The following FAAH2 variants were observed in gnomAD, a reference collection of about 807,000 sequenced individuals.
The protein encoded by FAAH2 is fatty-acid amide hydrolase 2.
Under a neutral mutation model 36.9 loss-of-function variants are expected in FAAH2, and 60 were observed. The observed-to-expected ratio is 1.63, with a 90% CI of 1.32 to 2.02. FAAH2 has a LOEUF of 2.02. Among genes scored for constraint, FAAH2 ranks in the 30% most tolerant of loss-of-function variants. The pLI is 0.00. For missense variants in FAAH2, 689 were observed against 397.5 expected (o/e 1.73, Z -6.23); for synonymous variants, 214 against 143.8 (o/e 1.49, Z -3.49).
chrX:57,316,983 T>C (rs1403697306), intron 3 of FAAH2, among the ~76,000 whole-genome samples: 1 of 111,600 alleles, frequency 9.0e-6, no homozygotes, highest in Non-Finnish European at 1.9e-5. Flanking sequence ...ATTCATAAAC[T>C]ATGCATGCAA....
At chrX:57,167,041 G>A in the FAAH2 span, among the ~76,000 whole-genome samples, 6 of 111,657 alleles carry the variant, frequency 5.4e-5, no homozygotes, top group Non-Finnish European at 9.4e-5. Context: ...TACACACAGT[G>A]TAGGCGCTAT....
chrX:57,319,902 C>A (rs1232746974), intron 3 of FAAH2, among the ~76,000 whole-genome samples: 1 of 111,586 alleles, frequency 9.0e-6, no homozygotes, highest in African/African-American at 3.3e-5. Flanking sequence ...ACAAACCTGG[C>A]AAAAACAAGC....
Position 57,447,044 on chromosome X carries a change from G to T in FAAH2, c.1228+5G>T, listed in dbSNP as rs761183777. 1 of 1,145,313 alleles carries T rather than the reference G, an allele frequency of 8.7e-7. No individual in the cohort carries two copies. Among genetic ancestry groups the T allele is most frequent in the East Asian group, 3.0e-5 (1 of 33,250 alleles). 94.4% of individuals were successfully genotyped at this position (1,145,313 alleles called of 1,213,427 possible). A position where few individuals can be genotyped will look rare whatever the true frequency, so the allele number is the denominator to read the frequency against. On this transcript the variant is annotated splice_donor_5th_base_variant and intron_variant, in intron 9 of 10. Coordinates refer to ENST00000374900, the MANE Select transcript of FAAH2 (RefSeq NM_174912.4). ...TGTACACCATCCCTTCCATTGGTAT[G>T]TAAATCATATTCTACCTAGACCAGT...
intron 3 of FAAH2, among the ~76,000 whole-genome samples, chrX:57,312,308 A>G (rs954022868): frequency 1.8e-5 from 2 of 112,045 alleles, no homozygotes; most frequent in Non-Finnish European, 3.8e-5. Flanking sequence ...AGCCCAAACT[A>G]CAACATCAAT....
In FAAH2 at chrX:57,423,519, G is replaced by T. The variant is rs185534448; in HGVS notation, c.997-8399G>T. Among the ~76,000 whole-genome samples the T allele has an allele frequency of 3.5e-4, 39 of 111,850 alleles. 1 individual carries two copies. The East Asian group carries it at 0.011, about 31-fold the overall frequency. On this transcript the variant is annotated intron_variant, in intron 7 of 10. Transcript: ENST00000374900. Reference sequence around the variant, plus strand: ...TTTAGCTTGCTGCCAATGGTAGGTTGCAGGAGAGAGCTCCACCAGGTTGAG... The same window carrying T: ...TTTAGCTTGCTGCCAATGGTAGGTTTCAGGAGAGAGCTCCACCAGGTTGAG...
At chrX:57,349,800 C>T (rs2053949227) in intron 5 of FAAH2, among the ~76,000 whole-genome samples, 1 of 108,802 alleles carries the variant, frequency 9.2e-6, no homozygotes, top group Admixed American at 9.9e-5. Context: ...ATTAATATTC[C>T]TAAATGTGAG....
At chrX:57,268,329 C>T in the FAAH2 span, among the ~76,000 whole-genome samples, 1 of 110,423 alleles carries the variant, frequency 9.1e-6, no homozygotes, top group Non-Finnish European at 1.9e-5. Context: ...AGTATATAAC[C>T]CCCCAAAAAA....
chrX:57,239,195 G>A, the FAAH2 span, among the ~76,000 whole-genome samples: 1 of 111,318 alleles, frequency 9.0e-6, no homozygotes, highest in African/African-American at 3.3e-5. Flanking sequence ...GGTAGAATTC[G>A]GATGTGAATC....
rs751589509 is a variant in FAAH2, at chrX:57,480,517, A to G, written c.1424-8240A>G. ...ATGAAGCTTAGTTTGTTTGGATGTG[A>G]AATTTTGGTTTGGAAACGATTTTCT... is the stretch of plus-strand genomic sequence containing the variant. On this transcript the variant is annotated intron_variant, in intron 10 of 10. Coordinates refer to ENST00000374900, the MANE Select transcript of FAAH2 (RefSeq NM_174912.4). Among the ~76,000 whole-genome samples, 184 of 111,350 alleles carry G rather than the reference A, an allele frequency of 1.7e-3. 1 individual carries two copies. The highest frequency in any genetic ancestry group is 5.7e-3 in the African/African-American group (175 of 30,674).
At chrX:57,329,790 A>G (rs937010465) in intron 3 of FAAH2, among the ~76,000 whole-genome samples, 1 of 111,529 alleles carries the variant, frequency 9.0e-6, no homozygotes, top group Non-Finnish European at 1.9e-5. Flanking sequence ...GCCATGGCTG[A>G]AGAACTTGGA....
chrX:57,156,624 T>A, the FAAH2 span, among the ~76,000 whole-genome samples: 5 of 112,348 alleles, frequency 4.5e-5, no homozygotes, highest in African/African-American at 1.6e-4. Context: ...AGCCCTGGTA[T>A]GCTGCAACTC....
At chrX:57,225,766 T>G in the FAAH2 span, among the ~76,000 whole-genome samples, 1 of 98,798 alleles carries the variant, frequency 1.0e-5, no homozygotes, top group Non-Finnish European at 1.9e-5. Flanking sequence ...TATGATTCTA[T>G]CTATCTCATT....
intron 5 of FAAH2, among the ~76,000 whole-genome samples, chrX:57,356,433 T>C (rs755725981): frequency 5.3e-4 from 59 of 111,459 alleles, no homozygotes; most frequent in African/African-American, 1.6e-3. Flanking sequence ...ATTTCTTTAC[T>C]AGCTATAGGT....
At chrX:57,381,918 G>A (rs1214249055) in intron 7 of FAAH2, among the ~76,000 whole-genome samples, 1 of 111,294 alleles carries the variant, frequency 9.0e-6, no homozygotes, top group South Asian at 3.8e-4. Flanking sequence ...TGACCACATA[G>A]TTGGATGTAA....
chrX:57,188,495 TA>T, the FAAH2 span, among the ~76,000 whole-genome samples: 3 of 110,071 alleles, frequency 2.7e-5, no homozygotes, highest in Non-Finnish European at 3.8e-5. Flanking sequence ...TTGTTAATCT[TA>T]AAAAAAACAG....
At chrX:57,357,324 A>G (rs2054182716) in intron 5 of FAAH2, among the ~76,000 whole-genome samples, 1 of 111,680 alleles carries the variant, frequency 9.0e-6, no homozygotes, top group African/African-American at 3.3e-5. Flanking sequence ...AAAAGCCTAA[A>G]TTGACAAATG....
the FAAH2 span, among the ~76,000 whole-genome samples, chrX:57,152,719 G>A: frequency 1.8e-5 from 2 of 111,814 alleles, no homozygotes; most frequent in Non-Finnish European, 3.8e-5. Flanking sequence ...TGTGCTTCCC[G>A]AGTGAGGCAA....
chrX:57,161,608 T>C, the FAAH2 span, among the ~76,000 whole-genome samples: 1 of 111,939 alleles, frequency 8.9e-6, no homozygotes, highest in South Asian at 3.7e-4. Context: ...CCTTTACCGT[T>C]ATGTAATGGC....
intron 7 of FAAH2, among the ~76,000 whole-genome samples, chrX:57,419,645 A>G (rs985966231): frequency 3.6e-5 from 4 of 111,487 alleles, no homozygotes; most frequent in African/African-American, 6.5e-5. Flanking sequence ...TAGGTTGCGA[A>G]AATTTTCTCC....
Sources: allele counts gnomAD v4.1 joint callset (sites outside exome capture counted in the v4.1 genomes callset), GRCh38; gene constraint gnomAD v4.1.1; transcripts MANE v1.5; gene names NCBI Gene and HGNC (gene_info 2026-07-23, HGNC 2026-07-21).